The following PRKN variants were observed in gnomAD, a reference collection of about 807,000 sequenced individuals.
The protein encoded by PRKN is parkin RBR E3 ubiquitin protein ligase, also known as E3 ubiquitin-protein ligase parkin.
PRKN carries 56 observed loss-of-function variants against 59.5 expected under a neutral mutation model. The observed-to-expected ratio is 0.94, with a 90% CI of 0.76 to 1.18. The LOEUF (loss-of-function observed/expected upper bound fraction) is 1.18. PRKN is among the 50% of genes most tolerant of loss of function. The pLI, the probability that PRKN is intolerant of heterozygous loss-of-function variation, is 0.00. For missense variants in PRKN, 657 were observed against 596.4 expected (o/e 1.10, Z -1.06); for synonymous variants, 250 against 222.1 (o/e 1.13, Z -1.12).
chr6:162,162,424 C>T lies in PRKN; in HGVS notation c.534+38707G>A, dbSNP rs180865025. On this transcript the variant is annotated intron_variant, in intron 4 of 11. Coordinates refer to ENST00000366898, the MANE Select transcript of PRKN (RefSeq NM_004562.3). Reference sequence around the variant, plus strand: ...GTGAGGAGTCCTGGAACCAGCCACCCGACAGACACTGAGGCACGACTGTTT... The same window carrying T: ...GTGAGGAGTCCTGGAACCAGCCACCTGACAGACACTGAGGCACGACTGTTT... 2.0e-3 allele frequency among the ~76,000 whole-genome samples: 302 copies of T among 152,164 alleles called. 1 individual carries two copies. Among genetic ancestry groups the T allele is most frequent in the African/African-American group, 6.8e-3 (282 of 41,514 alleles).
intron 6 of PRKN, among the ~76,000 whole-genome samples, chr6:161,959,324 C>T (rs1407127772): frequency 5.9e-5 from 9 of 152,198 alleles, no homozygotes; most frequent in East Asian, 3.9e-4. Context: ...GGGGATCTAG[C>T]GGTTTTCCCT....
chr6:162,420,365 A>G (rs371312993), intron 2 of PRKN, among the ~76,000 whole-genome samples: 4 of 152,136 alleles, frequency 2.6e-5, no homozygotes, highest in African/African-American at 9.7e-5. Flanking sequence ...TTTGTCTTCT[A>G]TTAGTTAAAA....
At position 161,578,159 on chromosome 6, in the gene PRKN, G is replaced by C. The variant is rs1226317880; in HGVS notation, c.872-8743C>G. 1.3e-5 allele frequency among the ~76,000 whole-genome samples: 2 copies of C among 152,128 alleles called. No individual in the cohort carries two copies. The highest frequency in any genetic ancestry group is 3.9e-4 in the East Asian group (2 of 5,154). On this transcript the variant is annotated intron_variant, in intron 7 of 11. Coordinates refer to ENST00000366898, the MANE Select transcript of PRKN (RefSeq NM_004562.3). The surrounding 1 kb of genome is among the most constrained non-coding windows in gnomAD (Gnocchi z 4.2). The stretch of plus-strand genomic sequence containing the variant: ...TATAAAAAAAGAAAAAGAGGAGGTG[G>C]CTTGGAATCAAAGAGGCCAAAGCCT...
chr6:162,683,866 T>G (rs1779867528), intron 1 of PRKN, among the ~76,000 whole-genome samples: 1 of 152,126 alleles, frequency 6.6e-6, no homozygotes, highest in Non-Finnish European at 1.5e-5. Flanking sequence ...AGAAATTCAT[T>G]TGAAAAACTA....
chr6:161,683,485 T>C (rs956791748), intron 7 of PRKN, among the ~76,000 whole-genome samples: 3 of 152,180 alleles, frequency 2.0e-5, no homozygotes, highest in Non-Finnish European at 4.4e-5. Flanking sequence ...GGGAAGACCA[T>C]TGCCTCTTTC....
intron 5 of PRKN, among the ~76,000 whole-genome samples, chr6:162,036,552 TG>T (rs1249076017): frequency 1.3e-5 from 2 of 151,334 alleles, no homozygotes; most frequent in African/African-American, 4.8e-5. Flanking sequence ...GCTAATTTTT[TG>T]TATTTTTAGT....
rs571459616 is a variant in PRKN, at chr6:161,568,954, C to A, written c.933+401G>T. Among the ~76,000 whole-genome samples the A allele has an allele frequency of 2.7e-5, 4 of 148,936 alleles. No individual in the cohort carries two copies. The South Asian group carries it at 8.5e-4, about 32-fold the overall frequency. ...TGCCATGAAATACAGATAACAAACACCCAATACAAAAACCTGGTAAAAAAA... is the reference window on the plus strand; with the variant it reads ...TGCCATGAAATACAGATAACAAACAACCAATACAAAAACCTGGTAAAAAAA... On this transcript the variant is annotated intron_variant, in intron 8 of 11. Coordinates refer to ENST00000366898, the MANE Select transcript of PRKN (RefSeq NM_004562.3).
chr6:162,712,428 C>T (rs1457896936), intron 1 of PRKN, among the ~76,000 whole-genome samples: 1 of 152,202 alleles, frequency 6.6e-6, no homozygotes, highest in Admixed American at 6.5e-5. Context: ...CAGCAGTCAT[C>T]ATCTGCAATG....
chr6:162,191,101 C>T (rs148520925), intron 4 of PRKN, among the ~76,000 whole-genome samples: 144 of 152,286 alleles, frequency 9.5e-4, no homozygotes, highest in African/African-American at 3.2e-3. Flanking sequence ...AGGGTTTCCA[C>T]GCAGGAAAGA....
At chr6:162,353,080 T>G (rs1784691120) in intron 2 of PRKN, among the ~76,000 whole-genome samples, 1 of 152,174 alleles carries the variant, frequency 6.6e-6, no homozygotes. Flanking sequence ...CAATGTCCAC[T>G]GCAAATGTTT....
intron 9 of PRKN, among the ~76,000 whole-genome samples, chr6:161,434,408 G>A (rs1395831129): frequency 6.6e-6 from 1 of 152,300 alleles, no homozygotes; most frequent in Non-Finnish European, 1.5e-5. Flanking sequence ...CCTGCCGGCT[G>A]TTGGGGAATT....
intron 1 of PRKN, among the ~76,000 whole-genome samples, chr6:162,533,591 A>G (rs1778597473): frequency 6.6e-6 from 1 of 152,170 alleles, no homozygotes; most frequent in South Asian, 2.1e-4. Context: ...GGGATGAGTG[A>G]AAACAGGCTG....
intron 7 of PRKN, among the ~76,000 whole-genome samples, chr6:161,716,359 A>T (rs1310859899): frequency 6.6e-6 from 1 of 152,222 alleles, no homozygotes; most frequent in Non-Finnish European, 1.5e-5. Flanking sequence ...CTGCATTGAA[A>T]GTAGCAGTGC....
In PRKN at chr6:162,547,649, CA is replaced by C. The variant is rs1200227373; in HGVS notation, c.8-104177del. 3.9e-5 allele frequency among the ~76,000 whole-genome samples: 6 copies of C among 152,248 alleles called. No homozygotes were observed. The South Asian group carries it at 1.0e-3, about 26-fold the overall frequency. On this transcript the variant is annotated intron_variant, in intron 1 of 11. Transcript: ENST00000366898. ...AGGCTGGAGTGCAATGGCACAATCT[CA>C]GCTCACTGCAACCTCTGCCTCCTGG...
chr6:161,880,453 G>A (rs2128229376), intron 6 of PRKN, among the ~76,000 whole-genome samples: 2 of 152,244 alleles, frequency 1.3e-5, no homozygotes, highest in African/African-American at 4.8e-5. Flanking sequence ...TATAACCTCA[G>A]CTATCTACAT....
intron 4 of PRKN, among the ~76,000 whole-genome samples, chr6:162,200,040 C>T (rs541044016): frequency 6.6e-6 from 1 of 152,132 alleles, no homozygotes; most frequent in Non-Finnish European, 1.5e-5. Context: ...TGACACATCA[C>T]CCTGGTTTAT....
At chr6:161,773,097 T>C (rs1789763038) in intron 7 of PRKN, among the ~76,000 whole-genome samples, 1 of 152,178 alleles carries the variant, frequency 6.6e-6, no homozygotes, top group South Asian at 2.1e-4. Flanking sequence ...AGGAAGCGGC[T>C]ATGGAGGAGA....
At chr6:161,808,744 G>T (rs1192410194) in intron 6 of PRKN, among the ~76,000 whole-genome samples, 3 of 151,174 alleles carry the variant, frequency 2.0e-5, no homozygotes, top group Admixed American at 2.0e-4. Flanking sequence ...ACTTCAAAAA[G>T]GTGCCATAGT....
At position 161,701,431 on chromosome 6, in the gene PRKN, A is replaced by G. The variant is rs528086575; in HGVS notation, c.871+84341T>C. 2.6e-5 allele frequency among the ~76,000 whole-genome samples: 4 copies of G among 152,294 alleles called. No individual in the cohort carries two copies. The South Asian group carries it at 8.3e-4, about 32-fold the overall frequency. On this transcript the variant is annotated intron_variant, in intron 7 of 11. Transcript: ENST00000366898. ...CAATAATGTAAAATGAAAGTTGCTG[A>G]TTTTTTATACCTCAGATATGAATTG...
Sources: gnomAD v4.1 joint callset for allele counts (sites outside exome capture counted in the v4.1 genomes callset) on GRCh38, gnomAD v4.1.1 for gene constraint, Gnocchi (gnomAD v3.1) non-coding constraint, MANE v1.5 for transcripts, NCBI Gene and HGNC (gene_info 2026-07-23, HGNC 2026-07-21) for gene names.